VPS13B: variants seen among roughly 807,000 people sequenced by gnomAD.
The protein encoded by VPS13B is vacuolar protein sorting 13 homolog B, also known as intermembrane lipid transfer protein VPS13B.
VPS13B carries 285 observed loss-of-function variants against 426.4 expected under a neutral mutation model. The observed-to-expected ratio is 0.67, with a 90% CI of 0.61 to 0.74. VPS13B has a LOEUF of 0.74. VPS13B is among the 30% of genes least tolerant of loss of function. The pLI is 0.00. For synonymous variants in VPS13B, 1,676 were observed against 1,676.4 expected (o/e 1.00, Z 0.01); for missense variants, 4,537 against 4,782.6 (o/e 0.95, Z 1.51).
In VPS13B at chr8:99,501,303, T is replaced by G. The variant is rs796962167; in HGVS notation, c.3871-384T>G. 5.1e-4 allele frequency among the ~76,000 whole-genome samples: 77 copies of G among 152,312 alleles called. 1 individual carries two copies. Among genetic ancestry groups the G allele is most frequent in the Middle Eastern group, 3.4e-3 (1 of 294 alleles). ...ACTCAACTCTGCTGAAAAGAAGTCA[T>G]ATGCAGTCAGTACATGAACGGATTT... is the stretch of plus-strand genomic sequence containing the variant. On this transcript the variant is annotated intron_variant, in intron 25 of 61. Coordinates refer to ENST00000357162, the MANE Select transcript of VPS13B (RefSeq NM_152564.5).
At chr8:99,540,016 TATATATA>T (rs1823480705) in intron 30 of VPS13B, among the ~76,000 whole-genome samples, 6 of 1,110 alleles carry the variant, frequency 5.4e-3, no homozygotes, top group Non-Finnish European at 7.8e-3. Context: ...AAATAAATTA[TATATATA>T]TATATATATA....
intron 18 of VPS13B, 41 bp from the exon 19 acceptor site, chr8:99,275,038 CAT>C (rs771161765): frequency 3.1e-5 from 46 of 1,487,376 alleles, no homozygotes; most frequent in Middle Eastern, 4.3e-4. Flanking sequence ...TCAAGTGACT[CAT>C]GTTTTATTTT....
In VPS13B at chr8:99,096,419, T is replaced by G. The variant is rs778690983; in HGVS notation, c.399T>G (p.Pro133=). Residue 133 remains proline, a synonymous_variant, in exon 4 of 62, where the codon CCT becomes CCG. Coordinates refer to ENST00000357162, the MANE Select transcript of VPS13B (RefSeq NM_152564.5). ...RRMQQAAPTD[P]DLPPGYVQSL... ...TGCAGCAGGCTGCTCCTACAGATCC[T>G]GACTTACCACCAGGTAACTTCTAAT... 1 of 1,614,064 alleles carries G rather than the reference T, an allele frequency of 6.2e-7. No homozygotes were observed. Among genetic ancestry groups the G allele is most frequent in the South Asian group, 1.1e-5 (1 of 91,084 alleles).
At chr8:99,079,248 G>C (rs1845308054) in intron 3 of VPS13B, among the ~76,000 whole-genome samples, 1 of 152,098 alleles carries the variant, frequency 6.6e-6, no homozygotes, top group Non-Finnish European at 1.5e-5. Context: ...GTGTGCAAGT[G>C]GTGGTGGCAG....
intron 40 of VPS13B, among the ~76,000 whole-genome samples, chr8:99,775,860 G>A (rs773549170): frequency 1.3e-5 from 2 of 152,018 alleles, no homozygotes; most frequent in Admixed American, 6.6e-5. Context: ...GTTGTGCCAC[G>A]CTGCTCCAGC....
intron 17 of VPS13B, among the ~76,000 whole-genome samples, chr8:99,218,884 C>T (rs1815529067): frequency 6.6e-6 from 1 of 152,142 alleles, no homozygotes; most frequent in Non-Finnish European, 1.5e-5. Context: ...GCATCAGAAA[C>T]AGTCGTTTGC....
At chr8:99,454,440 G>C (rs1180993114) in intron 23 of VPS13B, among the ~76,000 whole-genome samples, 1 of 152,122 alleles carries the variant, frequency 6.6e-6, no homozygotes, top group Non-Finnish European at 1.5e-5. Context: ...AAAACACTGG[G>C]ATTACAGGTG....
At chr8:99,159,956 C>T (rs780351024) in intron 15 of VPS13B, among the ~76,000 whole-genome samples, 1 of 152,090 alleles carries the variant, frequency 6.6e-6, no homozygotes, top group East Asian at 1.9e-4. Flanking sequence ...CTGTGCCCAG[C>T]CAATAAAGTG....
intron 21 of VPS13B, among the ~76,000 whole-genome samples, chr8:99,417,372 T>G (rs948110197): frequency 3.3e-5 from 5 of 152,164 alleles, no homozygotes; most frequent in African/African-American, 1.2e-4. Context: ...TTTGAATAAT[T>G]TGTTCTTCTT....
intron 39 of VPS13B, among the ~76,000 whole-genome samples, chr8:99,732,791 A>G (rs1833660091): frequency 6.6e-6 from 1 of 152,274 alleles, no homozygotes; most frequent in Non-Finnish European, 1.5e-5. Context: ...AAAAATAATA[A>G]TAAATAGTTT....
At chr8:99,218,187 T>C (rs964368891) in intron 17 of VPS13B, among the ~76,000 whole-genome samples, 8 of 152,186 alleles carry the variant, frequency 5.3e-5, no homozygotes, top group Non-Finnish European at 2.9e-5. Flanking sequence ...GGTCTTGTAT[T>C]GCTTACAAGC....
chr8:99,749,567 G>A (rs1480704462), intron 39 of VPS13B, among the ~76,000 whole-genome samples: 1 of 151,984 alleles, frequency 6.6e-6, no homozygotes, highest in African/African-American at 2.4e-5. Flanking sequence ...GTAAATGACA[G>A]GATTTCATTC....
chr8:99,711,727 C>G (rs1832716570), intron 36 of VPS13B, among the ~76,000 whole-genome samples: 1 of 152,328 alleles, frequency 6.6e-6, no homozygotes, highest in South Asian at 2.1e-4. Flanking sequence ...CTCTTCCCCA[C>G]TCAGTACTTA....
intron 23 of VPS13B, among the ~76,000 whole-genome samples, chr8:99,457,578 TC>T (rs1411261049): frequency 2.0e-5 from 3 of 152,148 alleles, no homozygotes; most frequent in Admixed American, 2.0e-4. Flanking sequence ...ATCTTTTTTT[TC>T]ATTTCATTGA....
At chr8:99,587,813 C>T (rs1330371691) in intron 33 of VPS13B, among the ~76,000 whole-genome samples, 1 of 151,714 alleles carries the variant, frequency 6.6e-6, no homozygotes, top group African/African-American at 2.4e-5. Flanking sequence ...TGTGCAGAAG[C>T]CCTTTAGTTT....
intron 36 of VPS13B, among the ~76,000 whole-genome samples, chr8:99,711,643 T>C (rs1031978686): frequency 6.6e-6 from 1 of 152,220 alleles, no homozygotes; most frequent in Non-Finnish European, 1.5e-5. Context: ...AGGGTTTGTA[T>C]GATAGCAGGG....
chr8:99,162,151 GTT>G (rs912979082), intron 15 of VPS13B, among the ~76,000 whole-genome samples: 29 of 151,530 alleles, frequency 1.9e-4, no homozygotes, highest in African/African-American at 6.5e-4. Flanking sequence ...GTGGTAGAGA[GTT>G]TTTTTTTATA....
chr8:99,278,781 C>T (rs1369025183), intron 19 of VPS13B, among the ~76,000 whole-genome samples: 1 of 152,046 alleles, frequency 6.6e-6, no homozygotes, highest in African/African-American at 2.4e-5. Context: ...CATGATCTTA[C>T]AGCATTTCTT....
chr8:99,809,655 A>G (rs1447691208), intron 44 of VPS13B, 125 bp downstream of exon 44: 5 of 1,132,092 alleles, frequency 4.4e-6, no homozygotes, highest in East Asian at 2.6e-5. Context: ...ACTACCATGC[A>G]TGTGAGCATT....
Sources: gnomAD v4.1 joint callset for allele counts (sites outside exome capture counted in the v4.1 genomes callset) on GRCh38, gnomAD v4.1.1 for gene constraint, MANE v1.5 for transcripts, NCBI Gene and HGNC (gene_info 2026-07-23, HGNC 2026-07-21) for gene names.